Variants in STRIP2 observed in about 807,000 individuals in gnomAD.
STRIP2 encodes the protein striatin-interacting protein 2.
Under a neutral mutation model 107.1 loss-of-function variants are expected in STRIP2, and 84 were observed. The observed-to-expected ratio is 0.78, with a 90% confidence interval of 0.66 to 0.94. STRIP2 has a LOEUF of 0.94. Among genes scored for constraint, STRIP2 ranks in the 40% least tolerant of loss-of-function variants. The pLI, the probability that STRIP2 is intolerant of heterozygous loss-of-function variation, is 0.00. For missense variants in STRIP2, 888 were observed against 1,034.2 expected (o/e 0.86, Z 1.94); for synonymous variants, 394 against 400.4 (o/e 0.98, Z 0.19).
intron 18 of STRIP2, among the ~76,000 whole-genome samples, chr7:129,471,800 T>G (rs903384587): frequency 6.6e-6 from 1 of 152,158 alleles, no homozygotes; most frequent in Non-Finnish European, 1.5e-5. Flanking sequence ...AAAAGACCCA[T>G]GTCCTGAGAC....
At chr7:129,457,293 G>T (rs1584949916) in intron 9 of STRIP2, among the ~76,000 whole-genome samples, 1 of 152,184 alleles carries the variant, frequency 6.6e-6, no homozygotes, top group African/African-American at 2.4e-5. Flanking sequence ...CTACAAACCT[G>T]TACAGCAGGT....
chr7:129,469,265 C>G (rs1279499309), intron 17 of STRIP2, among the ~76,000 whole-genome samples: 1 of 152,220 alleles, frequency 6.6e-6, no homozygotes, highest in Non-Finnish European at 1.5e-5. Context: ...CAAGATGATC[C>G]TCTTATGCAC....
intron 20 of STRIP2, among the ~76,000 whole-genome samples, chr7:129,484,870 C>T (rs1434885412): frequency 6.6e-6 from 1 of 152,196 alleles, no homozygotes; most frequent in Non-Finnish European, 1.5e-5. Context: ...TAAACCCTTG[C>T]ATGTAGAACA....
At chr7:129,435,379 G>T (rs983253923) in intron 1 of STRIP2, among the ~76,000 whole-genome samples, 1 of 152,234 alleles carries the variant, frequency 6.6e-6, no homozygotes, top group African/African-American at 2.4e-5. Context: ...AGTTGGATCT[G>T]AGCGGGGATC....
intron 9 of STRIP2, among the ~76,000 whole-genome samples, chr7:129,457,215 G>A (rs961851380): frequency 1.3e-5 from 2 of 152,144 alleles, no homozygotes; most frequent in African/African-American, 2.4e-5. Context: ...ACATCATAGA[G>A]TGTACTTACA....
At chr7:129,476,151 G>GC (rs1443295248) in intron 18 of STRIP2, among the ~76,000 whole-genome samples, 4 of 75,416 alleles carry the variant, frequency 5.3e-5, no homozygotes, top group Non-Finnish European at 9.1e-5. Flanking sequence ...AGGCAGAGGT[G>GC]CCCCCCTCCT....
chr7:129,468,538 A>G (rs1478111156), intron 17 of STRIP2, among the ~76,000 whole-genome samples: 1 of 152,196 alleles, frequency 6.6e-6, no homozygotes, highest in Non-Finnish European at 1.5e-5. Context: ...TATATGTAAG[A>G]TTGCTTTAAA....
Position 129,476,370 on chromosome 7 carries a change from A to G in STRIP2, c.1945-4415A>G, listed in dbSNP as rs1362992994. 6.8e-5 allele frequency among the ~76,000 whole-genome samples: 9 copies of G among 132,454 alleles called. No individual in the cohort carries two copies. In the East Asian group the frequency reaches 1.5e-3, roughly 22 times the overall value. The allele number at this position is 132,454 out of a possible 152,430, so 86.9% of individuals were successfully genotyped here. On this transcript the variant is annotated intron_variant, in intron 18 of 20. Coordinates refer to ENST00000249344, the MANE Select transcript of STRIP2 (RefSeq NM_020704.3). ...CGGCTGCCGGGCGGAGGGGCTCCTCACTTCTCAGACGGGGCGGCTGCCGGG... is the reference window on the plus strand; with the variant it reads ...CGGCTGCCGGGCGGAGGGGCTCCTCGCTTCTCAGACGGGGCGGCTGCCGGG...
intron 5 of STRIP2, 75 bp downstream of exon 5, chr7:129,453,422 C>G: frequency 6.3e-7 from 1 of 1,579,730 alleles, no homozygotes; most frequent in East Asian, 2.2e-5. Context: ...TATGCTGCTT[C>G]CCTCACTATA....
chr7:129,474,019 G>A (rs915667776), intron 18 of STRIP2, among the ~76,000 whole-genome samples: 4 of 152,084 alleles, frequency 2.6e-5, no homozygotes, highest in Admixed American at 2.6e-4. Flanking sequence ...ACGCAGCCCA[G>A]GACATAATTT....
intron 3 of STRIP2, among the ~76,000 whole-genome samples, chr7:129,447,494 T>C (rs1314919109): frequency 1.3e-5 from 2 of 152,354 alleles, no homozygotes; most frequent in East Asian, 1.9e-4. Context: ...TTGCTACTTC[T>C]TGCTCACTGG....
chr7:129,467,875 G>A (rs572391175), intron 17 of STRIP2, among the ~76,000 whole-genome samples: 6 of 152,120 alleles, frequency 3.9e-5, no homozygotes, highest in Non-Finnish European at 8.8e-5. Flanking sequence ...TTACATAATC[G>A]AATTTACTGA....
intron 2 of STRIP2, among the ~76,000 whole-genome samples, chr7:129,443,041 C>CTTTTT (rs35651639): frequency 7.1e-6 from 1 of 141,526 alleles, no homozygotes; most frequent in Non-Finnish European, 1.5e-5. Flanking sequence ...TTCTTTCTTT[C>CTTTTT]TTTTTTTTTT....
At chr7:129,451,823 C>T (rs887932667) in intron 4 of STRIP2, 76 bp downstream of exon 4, 49 of 1,566,648 alleles carry the variant, frequency 3.1e-5, no homozygotes, top group Middle Eastern at 4.6e-4. Context: ...ACTGAGATGA[C>T]GCAGGCTGTG....
chr7:129,435,200 CA>C (rs1797702503), intron 1 of STRIP2, among the ~76,000 whole-genome samples: 1 of 152,232 alleles, frequency 6.6e-6, no homozygotes, highest in Non-Finnish European at 1.5e-5. Context: ...GGGATTCAGG[CA>C]GGGGCAGTCC....
rs143347684 is a variant in STRIP2, at chr7:129,458,168, C to G, written c.1039-47C>G. 1.5e-5 allele frequency: 22 copies of G among 1,491,312 alleles called. No homozygotes were observed. The highest frequency in any genetic ancestry group is 1.7e-4 in the Middle Eastern group (1 of 5,854). 92.4% of individuals were successfully genotyped at this position (1,491,312 alleles called of 1,614,324 possible). On this transcript the variant is annotated intron_variant, in intron 9 of 20. Transcript: ENST00000249344. This position sits in a 1 kb window ranked among gnomAD's most constrained non-coding sequence, Gnocchi z 4.6. ...ATGGGGTGGCCTCAGACAAGGATGC[C>G]CAGAGTGAGATCTCTGCATGCCTAC... is the stretch of plus-strand genomic sequence containing the variant.
chr7:129,466,830 T>A (rs1562910727), intron 16 of STRIP2, among the ~76,000 whole-genome samples: 1 of 152,232 alleles, frequency 6.6e-6, no homozygotes, highest in Admixed American at 6.5e-5. Flanking sequence ...GCCAGTATAC[T>A]TACTGATATT....
At chr7:129,480,724 G>C in intron 18 of STRIP2, 61 bp from the exon 19 acceptor site, 1 of 1,411,696 alleles carries the variant, frequency 7.1e-7, no homozygotes, top group Non-Finnish European at 9.8e-7. Flanking sequence ...TGACTTCCAG[G>C]CTTCTGTGGG....
intron 18 of STRIP2, among the ~76,000 whole-genome samples, chr7:129,475,130 C>T (rs1001035617): frequency 6.6e-6 from 1 of 151,946 alleles, no homozygotes; most frequent in Non-Finnish European, 1.5e-5. Flanking sequence ...GGATGGTGAA[C>T]GTATGATTAT....
Sources: allele counts gnomAD v4.1 joint callset (sites outside exome capture counted in the v4.1 genomes callset), GRCh38; gene constraint gnomAD v4.1.1; non-coding constraint Gnocchi (gnomAD v3.1); transcripts MANE v1.5; gene names NCBI Gene and HGNC (gene_info 2026-07-23, HGNC 2026-07-21).